The following GSE1 variants were observed in gnomAD, a reference collection of about 807,000 sequenced individuals.
The protein encoded by GSE1 is genetic suppressor element 1.
In GSE1, 32 loss-of-function variants were observed where a neutral mutation model predicts 112.6. The observed-to-expected ratio is 0.28, with a 90% CI of 0.21 to 0.38. GSE1 has a LOEUF of 0.38. Among genes scored for constraint, GSE1 ranks in the 10% least tolerant of loss-of-function variants. The pLI, the probability that GSE1 is intolerant of heterozygous loss-of-function variation, is 1.00. For synonymous variants in GSE1, 1,115 were observed against 735.6 expected (o/e 1.52, Z -8.35); for missense variants, 2,348 against 1,699.2 (o/e 1.38, Z -6.71).
At chr16:85,326,675 T>A (rs1325646724) in intron 1 of GSE1, among the ~76,000 whole-genome samples, 1 of 152,226 alleles carries the variant, frequency 6.6e-6, no homozygotes, top group African/African-American at 2.4e-5. Flanking sequence ...ACCTCTTTTC[T>A]TTATCAATTC....
chr16:85,530,884 GC>G (rs1313826426), intron 2 of GSE1, among the ~76,000 whole-genome samples: 2 of 152,244 alleles, frequency 1.3e-5, no homozygotes, highest in Admixed American at 6.5e-5. Flanking sequence ...CAGCCTCCGT[GC>G]CAGAGCTGAG....
chr16:85,292,143 T>TTTC (rs1289124733), intron 1 of GSE1, among the ~76,000 whole-genome samples: 1 of 129,622 alleles, frequency 7.7e-6, no homozygotes, highest in African/African-American at 3.3e-5. Flanking sequence ...AGAATGAACC[T>TTTC]TTTTTTTTTT....
chr16:85,641,560 G>A (rs2050451723), intron 2 of GSE1, among the ~76,000 whole-genome samples: 1 of 152,264 alleles, frequency 6.6e-6, no homozygotes, highest in Non-Finnish European at 1.5e-5. Context: ...GGAACGCAGG[G>A]GGTCGCGGCG....
intron 1 of GSE1, among the ~76,000 whole-genome samples, chr16:85,315,665 G>A (rs984074245): frequency 2.0e-5 from 3 of 152,178 alleles, no homozygotes; most frequent in African/African-American, 7.2e-5. Context: ...AGAGGAGTAC[G>A]CACCGGTTCC....
intron 1 of GSE1, among the ~76,000 whole-genome samples, chr16:85,276,641 G>T (rs1909391079): frequency 6.6e-6 from 1 of 152,218 alleles, no homozygotes; most frequent in Admixed American, 6.5e-5. Flanking sequence ...GCAAGTGGCC[G>T]GGAAGGGCGT....
chr16:85,618,316 G>A (rs2048509393), intron 1 of GSE1, among the ~76,000 whole-genome samples: 1 of 152,142 alleles, frequency 6.6e-6, no homozygotes, highest in South Asian at 2.1e-4. Flanking sequence ...GAGGCCCTCT[G>A]GCAGTTGAGG....
intron 2 of GSE1, among the ~76,000 whole-genome samples, chr16:85,445,748 C>A (rs574864619): frequency 9.2e-5 from 14 of 152,192 alleles, no homozygotes; most frequent in Admixed American, 7.2e-4. Context: ...AGAGCTCCCC[C>A]CAGCCGCCCT....
At chr16:85,462,976 C>T (rs892656784) in intron 2 of GSE1, 1 of 321,586 alleles carries the variant, frequency 3.1e-6, no homozygotes. Context: ...CCTCCGGGCC[C>T]GTCTTCTGCC....
At chr16:85,616,004 C>T (rs766840654) in intron 1 of GSE1, among the ~76,000 whole-genome samples, 2 of 152,250 alleles carry the variant, frequency 1.3e-5, no homozygotes, top group African/African-American at 2.4e-5. Flanking sequence ...AGTCACTTCC[C>T]TGTCTCTGGG....
intron 1 of GSE1, among the ~76,000 whole-genome samples, chr16:85,295,640 G>A (rs962191580): frequency 4.6e-5 from 7 of 152,220 alleles, no homozygotes; most frequent in African/African-American, 1.7e-4. Context: ...GTCAAGGGGA[G>A]GAGAATTAGA....
chr16:85,578,872 A>ATTTTTTTT (rs757513584), intron 1 of GSE1, among the ~76,000 whole-genome samples: 1 of 141,522 alleles, frequency 7.1e-6, no homozygotes, highest in African/African-American at 2.6e-5. Context: ...CCTGATGTGC[A>ATTTTTTTT]TTTTTTTTTT....
rs1027843477 is a variant in GSE1 at position 85,665,907 on chromosome 16, T to A, written c.2759-69T>A. Reference sequence around the variant, plus strand: ...TAAGTGTAAGCTCTAGAGACCAGGATCTGCGTGCTGGACACTCAGCCTGTT... The same window carrying A: ...TAAGTGTAAGCTCTAGAGACCAGGAACTGCGTGCTGGACACTCAGCCTGTT... On this transcript the variant is annotated intron_variant, in intron 12 of 15. Transcript: ENST00000253458. The A allele has an allele frequency of 6.2e-6, 9 of 1,456,948 alleles. No homozygotes were observed. The African/African-American group carries it at 8.4e-5, about 14-fold the overall frequency. 90.3% of individuals were successfully genotyped at this position (1,456,948 alleles called of 1,614,324 possible).
At chr16:85,247,729 C>T (rs1906013406) in intron 1 of GSE1, among the ~76,000 whole-genome samples, 1 of 152,210 alleles carries the variant, frequency 6.6e-6, no homozygotes, top group Non-Finnish European at 1.5e-5. Context: ...TTCATTGCTG[C>T]CCCTGGGGCT....
intron 2 of GSE1, among the ~76,000 whole-genome samples, chr16:85,484,139 C>T (rs1440234598): frequency 6.6e-6 from 1 of 152,232 alleles, no homozygotes; most frequent in Non-Finnish European, 1.5e-5. Flanking sequence ...GGAATATGCC[C>T]CTTCATAGAA....
At chr16:85,598,167 G>GTTTTT (rs973836177) in intron 1 of GSE1, among the ~76,000 whole-genome samples, 70 of 71,528 alleles carry the variant, frequency 9.8e-4, no homozygotes, top group African/African-American at 1.6e-3. Context: ...AGGTTTGGTT[G>GTTTTT]TTTTTTTTTT....
At chr16:85,609,700 G>C (rs1350395821), upstream of GSE1, among the ~76,000 whole-genome samples, 2 of 152,020 alleles carry the variant, frequency 1.3e-5, no homozygotes, top group Non-Finnish European at 2.9e-5. Flanking sequence ...TGTCGCCCAG[G>C]CTAGAGTGTA....
chr16:85,222,735 T>C (rs1567619994), intron 1 of GSE1, among the ~76,000 whole-genome samples: 1 of 152,124 alleles, frequency 6.6e-6, no homozygotes, highest in African/African-American at 2.4e-5. Flanking sequence ...CGGGAGGAGA[T>C]GTTTCTCATT....
At chr16:85,667,036 A>C (rs943999346) in intron 13 of GSE1, among the ~76,000 whole-genome samples, 1 of 152,248 alleles carries the variant, frequency 6.6e-6, no homozygotes, top group Non-Finnish European at 1.5e-5. Flanking sequence ...ATACTATGCC[A>C]CTTTATATCA....
intron 1 of GSE1, among the ~76,000 whole-genome samples, chr16:85,259,249 T>C (rs931379723): frequency 1.3e-5 from 2 of 152,128 alleles, no homozygotes; most frequent in African/African-American, 4.8e-5. Context: ...GGCCCCACTA[T>C]GTGCAGCCCC....
Sources: allele counts gnomAD v4.1 joint callset (sites outside exome capture counted in the v4.1 genomes callset), GRCh38; gene constraint gnomAD v4.1.1; transcripts MANE v1.5; gene names NCBI Gene and HGNC (gene_info 2026-07-23, HGNC 2026-07-21).